Variants in TEKTL1 observed in about 807,000 individuals in gnomAD.
TEKTL1 encodes tektin-like protein 1.
chr19:15,015,664 T>C, the TEKTL1 span, among the ~76,000 whole-genome samples: 3 of 152,036 alleles, frequency 2.0e-5, no homozygotes, highest in African/African-American at 7.3e-5. Context: ...TGGAGGTGGA[T>C]TGCAATCCAG....
chr19:15,018,628 G>A, the TEKTL1 span, among the ~76,000 whole-genome samples: 3 of 148,290 alleles, frequency 2.0e-5, no homozygotes, highest in African/African-American at 5.0e-5. Flanking sequence ...TGGGAGGATC[G>A]CTTGAGCACA....
chr19:15,021,612 C>G, the TEKTL1 span: 1 of 1,613,902 alleles, frequency 6.2e-7, no homozygotes, highest in Non-Finnish European at 8.5e-7. Context: ...TTCCCTGCCC[C>G]CAGGAAAGAT....
chr19:15,013,979 C>G, the TEKTL1 span, among the ~76,000 whole-genome samples: 1 of 152,172 alleles, frequency 6.6e-6, no homozygotes, highest in African/African-American at 2.4e-5. Context: ...CAACGAACAA[C>G]CACTCTGTAC....
At chr19:15,015,134 C>T in the TEKTL1 span, among the ~76,000 whole-genome samples, 1 of 152,118 alleles carries the variant, frequency 6.6e-6, no homozygotes, top group African/African-American at 2.4e-5. Flanking sequence ...CTGCAGTGAG[C>T]CATGATCATA....
At chr19:15,012,092 C>CAA in the TEKTL1 span, among the ~76,000 whole-genome samples, 1 of 137,402 alleles carries the variant, frequency 7.3e-6, no homozygotes, top group South Asian at 2.3e-4. Context: ...CCCGTCTCTA[C>CAA]AAAAAAAAAA....
chr19:15,013,951 C>T, the TEKTL1 span, among the ~76,000 whole-genome samples: 6 of 152,132 alleles, frequency 3.9e-5, no homozygotes, highest in South Asian at 4.1e-4. Context: ...TGGGAGATGA[C>T]GTTGGGTCTC....
chr19:15,012,052 T>C, the TEKTL1 span, among the ~76,000 whole-genome samples: 19 of 150,990 alleles, frequency 1.3e-4, no homozygotes, highest in Non-Finnish European at 2.4e-4. Flanking sequence ...GGCCAGGAGT[T>C]GGAGACCAGC....
chr19:15,020,742 T>C, the TEKTL1 span: 4 of 1,211,516 alleles, frequency 3.3e-6, no homozygotes, highest in Admixed American at 9.1e-5. Flanking sequence ...CACTTAGCTG[T>C]CCCTTTCCTG....
chr19:15,022,539 G>A, the TEKTL1 span, among the ~76,000 whole-genome samples: 1 of 152,056 alleles, frequency 6.6e-6, no homozygotes, highest in African/African-American at 2.4e-5. Context: ...ATGTTGGCCA[G>A]GCTAGTCTTG....
the TEKTL1 span, chr19:15,021,562 G>C: frequency 6.2e-7 from 1 of 1,613,448 alleles, no homozygotes; most frequent in Non-Finnish European, 8.5e-7. Flanking sequence ...TGGGACAGGG[G>C]AGGAGACGCG....
At chr19:15,011,553 G>A in the TEKTL1 span, among the ~76,000 whole-genome samples, 3 of 152,242 alleles carry the variant, frequency 2.0e-5, no homozygotes, top group South Asian at 6.2e-4. Flanking sequence ...GACCAACATG[G>A]TGAAACCCCC....
the TEKTL1 span, chr19:15,011,049 T>C: frequency 3.2e-6 from 5 of 1,577,406 alleles, no homozygotes; most frequent in East Asian, 9.2e-5. Flanking sequence ...CGCTTCCGCG[T>C]GGAGATGATC....
chr19:15,010,909 G>C, the TEKTL1 span: 1 of 1,572,970 alleles, frequency 6.4e-7, no homozygotes, highest in Non-Finnish European at 8.6e-7. Context: ...CTCAGGCCAT[G>C]GCGAGGACCG....
chr19:15,019,708 C>G, the TEKTL1 span, among the ~76,000 whole-genome samples: 2 of 152,158 alleles, frequency 1.3e-5, no homozygotes, highest in South Asian at 4.1e-4. Flanking sequence ...TATTTCCAGG[C>G]CAGGCACAGT....
chr19:15,015,180 C>T, the TEKTL1 span, among the ~76,000 whole-genome samples: 1 of 152,116 alleles, frequency 6.6e-6, no homozygotes, highest in African/African-American at 2.4e-5. Flanking sequence ...GAGGAAGACC[C>T]TGTCTCTGTG....
At chr19:15,018,351 T>C in the TEKTL1 span, among the ~76,000 whole-genome samples, 4 of 152,078 alleles carry the variant, frequency 2.6e-5, no homozygotes, top group African/African-American at 9.7e-5. Flanking sequence ...GACTCACTTT[T>C]ACCTGATTAT....
the TEKTL1 span, chr19:15,013,548 AC>A: frequency 1.5e-6 from 1 of 666,524 alleles, no homozygotes; most frequent in East Asian, 2.7e-5. Context: ...GGATGAGAGT[AC>A]CCTCAACTTC....
At chr19:15,014,519 T>A in the TEKTL1 span, among the ~76,000 whole-genome samples, 1 of 151,994 alleles carries the variant, frequency 6.6e-6, no homozygotes, top group South Asian at 2.1e-4. Context: ...TCTTTTATTG[T>A]TGTTGAACTT....
At chr19:15,014,571 T>TA in the TEKTL1 span, among the ~76,000 whole-genome samples, 1 of 151,862 alleles carries the variant, frequency 6.6e-6, no homozygotes, top group Admixed American at 6.6e-5. Context: ...AGACTACATT[T>TA]AAAAAAGCAT....
Sources: allele counts gnomAD v4.1 joint callset (sites outside exome capture counted in the v4.1 genomes callset), GRCh38; gene constraint gnomAD v4.1.1; transcripts MANE v1.5; gene names NCBI Gene and HGNC (gene_info 2026-07-23, HGNC 2026-07-21).